GABRB3: variants seen among roughly 807,000 people sequenced by gnomAD.
GABRB3 encodes the protein gamma-aminobutyric acid type A receptor subunit beta3, also known as gamma-aminobutyric acid receptor subunit beta-3.
In GABRB3, 14 loss-of-function variants were observed where a neutral mutation model predicts 52.1. That is an observed-to-expected ratio of 0.27 (90% CI 0.18 to 0.42). The LOEUF (loss-of-function observed/expected upper bound fraction) is 0.42, where lower values mean the gene tolerates loss of function less well. GABRB3 is among the 10% of genes least tolerant of loss of function. The pLI is 1.00. For missense variants in GABRB3, 307 were observed against 609.1 expected, an observed-to-expected ratio of 0.50 and a Z score of 5.22; for synonymous variants, 260 against 232.3, an observed-to-expected ratio of 1.12 and a Z score of -1.08.
chr15:26,736,816 A>T (rs1272626114), intron 3 of GABRB3, among the ~76,000 whole-genome samples: 1 of 152,250 alleles, frequency 6.6e-6, no homozygotes, highest in African/African-American at 2.4e-5. Flanking sequence ...CCCATAACTC[A>T]ATGGCCACAG....
At chr15:26,686,682 G>T (rs1018372450) in intron 3 of GABRB3, among the ~76,000 whole-genome samples, 1 of 152,214 alleles carries the variant, frequency 6.6e-6, no homozygotes, top group African/African-American at 2.4e-5. Context: ...GCCTTGCCTT[G>T]CCCTGACAGT....
At chr15:26,700,341 T>C (rs1888887145) in intron 3 of GABRB3, among the ~76,000 whole-genome samples, 1 of 152,224 alleles carries the variant, frequency 6.6e-6, no homozygotes, top group East Asian at 1.9e-4. Flanking sequence ...ATTTAATTTT[T>C]AGATAAAAAC....
chr15:26,753,838 C>T (rs1392026800), intron 3 of GABRB3, among the ~76,000 whole-genome samples: 2 of 152,046 alleles, frequency 1.3e-5, no homozygotes, highest in Non-Finnish European at 2.9e-5. Context: ...TGGTCTGGGG[C>T]GAGGGCAGGC....
chr15:26,667,647 A>T (rs1045550975), intron 3 of GABRB3, among the ~76,000 whole-genome samples: 3 of 152,200 alleles, frequency 2.0e-5, no homozygotes, highest in Admixed American at 2.0e-4. Flanking sequence ...TCTAACGGTA[A>T]TTCCTTCTGC....
At chr15:26,741,509 G>T (rs148465333) in intron 3 of GABRB3, among the ~76,000 whole-genome samples, 253 of 152,192 alleles carry the variant, frequency 1.7e-3, no homozygotes, top group African/African-American at 5.2e-3. Context: ...GGTCACTTCC[G>T]GTTTATATAC....
chr15:26,587,666 G>C (rs1294261008), intron 4 of GABRB3, among the ~76,000 whole-genome samples: 1 of 152,146 alleles, frequency 6.6e-6, no homozygotes, highest in Admixed American at 6.5e-5. Flanking sequence ...GTTGAGAAGG[G>C]TTACAGAAGG....
At chr15:26,677,750 C>T (rs1434813874) in intron 3 of GABRB3, among the ~76,000 whole-genome samples, 3 of 152,148 alleles carry the variant, frequency 2.0e-5, no homozygotes, top group Non-Finnish European at 4.4e-5. Context: ...TTGAAGTTAA[C>T]TCATGAAAAT....
At chr15:26,736,080 G>C (rs897058000) in intron 3 of GABRB3, among the ~76,000 whole-genome samples, 3 of 152,140 alleles carry the variant, frequency 2.0e-5, no homozygotes, top group Non-Finnish European at 4.4e-5. Flanking sequence ...ACTGAGGGGA[G>C]AGGTGTGCAG....
chr15:26,660,471 AG>A (rs372143348), intron 3 of GABRB3, among the ~76,000 whole-genome samples: 104 of 152,296 alleles, frequency 6.8e-4, no homozygotes, highest in African/African-American at 2.4e-3. Flanking sequence ...TAAATACATC[AG>A]AGTTAATAGT....
At chr15:26,622,161 G>A (rs1892507128) in intron 3 of GABRB3, among the ~76,000 whole-genome samples, 1 of 152,056 alleles carries the variant, frequency 6.6e-6, no homozygotes, top group South Asian at 2.1e-4. Flanking sequence ...ATATTCACCT[G>A]AGGAAAATGG....
chr15:26,772,787 G>T lies in GABRB3; in HGVS notation c.81-15C>A. 6.5e-7 allele frequency: 1 copy of T among 1,538,994 alleles called. No individual in the cohort carries two copies. Among genetic ancestry groups the T allele is most frequent in the Non-Finnish European group, 8.8e-7 (1 of 1,141,316 alleles). Reference sequence around the variant, plus strand: ...GATCGTTCACACTGGGGGAGGGACGGGGAGCACAAAGAGCGGGGTCAGGGG... The same window carrying T: ...GATCGTTCACACTGGGGGAGGGACGTGGAGCACAAAGAGCGGGGTCAGGGG... On this transcript the variant is annotated splice_polypyrimidine_tract_variant and intron_variant, in intron 1 of 8. Coordinates refer to ENST00000311550, the MANE Select transcript of GABRB3 (RefSeq NM_000814.6).
intron 4 of GABRB3, among the ~76,000 whole-genome samples, chr15:26,592,436 G>C (rs1046765482): frequency 6.6e-6 from 1 of 152,172 alleles, no homozygotes; most frequent in African/African-American, 2.4e-5. Context: ...TCTATGAAAA[G>C]CAATGGAAGC....
intron 8 of GABRB3, among the ~76,000 whole-genome samples, chr15:26,554,293 T>C (rs1889672100): frequency 6.8e-6 from 1 of 146,048 alleles, no homozygotes; most frequent in Non-Finnish European, 1.5e-5. Flanking sequence ...ACTCCCAAAG[T>C]GCTGGGATTA....
At chr15:26,669,382 A>G (rs1223564086) in intron 3 of GABRB3, among the ~76,000 whole-genome samples, 1 of 152,198 alleles carries the variant, frequency 6.6e-6, no homozygotes. Context: ...TTATGCTGGT[A>G]TCTTCCTCGT....
intron 3 of GABRB3, among the ~76,000 whole-genome samples, chr15:26,630,826 G>A (rs753112414): frequency 2.0e-5 from 3 of 152,198 alleles, no homozygotes; most frequent in East Asian, 1.9e-4. Flanking sequence ...CATGGGATGC[G>A]TGTTTTACAA....
chr15:26,561,244 T>A, intron 7 of GABRB3, 68 bp from the exon 8 acceptor site: 2 of 1,603,910 alleles, frequency 1.2e-6, no homozygotes, highest in Non-Finnish European at 1.7e-6. Flanking sequence ...TCACTTTCCT[T>A]TTATGTTTTC....
intron 3 of GABRB3, among the ~76,000 whole-genome samples, chr15:26,753,541 G>C (rs1200830480): frequency 6.6e-6 from 1 of 152,246 alleles, no homozygotes; most frequent in African/African-American, 2.4e-5. Flanking sequence ...AGGAGACCTG[G>C]TTATTGACTT....
rs185025478 is a variant in GABRB3, at chr15:26,545,954, A to T, written c.*1839T>A. 5.4e-4 allele frequency: 83 copies of T among 152,740 alleles called. No homozygotes were observed. Among genetic ancestry groups the T allele is most frequent in the African/African-American group, 1.9e-3 (81 of 41,562 alleles). The allele number at this position is 152,740 out of a possible 1,614,324, so 9.5% of individuals were successfully genotyped here. On this transcript the variant is annotated 3_prime_UTR_variant, in exon 9 of 9. Coordinates refer to ENST00000311550, the MANE Select transcript of GABRB3 (RefSeq NM_000814.6). ...GGGTTTTGAACTGTTGCAGATGCCC[A>T]CAAATTAAAGGTTGTTACGGCCACC...
chr15:26,617,257 GATCCGAATCCAGCAGCCCATC>G (rs1158966426), intron 4 of GABRB3, among the ~76,000 whole-genome samples: 1 of 151,944 alleles, frequency 6.6e-6, no homozygotes, highest in East Asian at 1.9e-4. Flanking sequence ...CTGATACCAG[GATCCGAATCCAGCAGCCCATC>G]ATCCGAATCC....
Sources: allele counts gnomAD v4.1 joint callset (sites outside exome capture counted in the v4.1 genomes callset), GRCh38; gene constraint gnomAD v4.1.1; transcripts MANE v1.5; gene names NCBI Gene and HGNC (gene_info 2026-07-23, HGNC 2026-07-21).